The following XPO5 variants were observed in gnomAD, a reference collection of about 807,000 sequenced individuals.
XPO5 encodes the protein exportin-5.
Under a neutral mutation model 160.6 loss-of-function variants are expected in XPO5, and 46 were observed. That is an observed-to-expected ratio of 0.29 (90% CI 0.23 to 0.37). XPO5 has a LOEUF of 0.37. Ranked by LOEUF, XPO5 falls within the 10% of genes least tolerant of loss-of-function variation. XPO5 has a pLI of 1.00. For synonymous variants in XPO5, 537 were observed against 519.3 expected (o/e 1.03, Z -0.46); for missense variants, 1,090 against 1,463.9 (o/e 0.74, Z 4.17).
rs889905272 is a variant in XPO5 at position 43,576,011 on chromosome 6, G to C, written c.-147C>G. 2 of 668,946 alleles carry C rather than the reference G, an allele frequency of 3.0e-6. No homozygotes were observed. The highest frequency in any genetic ancestry group is 1.9e-5 in the South Asian group (1 of 51,704). 41.4% of individuals were successfully genotyped at this position (668,946 alleles called of 1,614,324 possible). On this transcript the variant is annotated 5_prime_UTR_variant, in exon 1 of 32. Coordinates refer to ENST00000265351, the MANE Select transcript of XPO5 (RefSeq NM_020750.3). ...GGAGGAGGAGCGTTAGCAGCAACTC[G>C]CGCTGGGAAGAAGCCGGCGCTGCGC...
intron 20 of XPO5, chr6:43,539,546 C>T (rs1355404227): frequency 2.1e-6 from 3 of 1,426,502 alleles, no homozygotes; most frequent in East Asian, 4.6e-5. Flanking sequence ...TTTGGCCTTG[C>T]CTCCGCGAGC....
At chr6:43,560,901 G>A in intron 10 of XPO5, 23 bp downstream of exon 10, 1 of 1,594,764 alleles carries the variant, frequency 6.3e-7, no homozygotes, top group African/African-American at 1.3e-5. Flanking sequence ...AAACTTTTGA[G>A]AAGTTACCTG....
At chr6:43,550,002 C>T in intron 15 of XPO5, 68 bp from the exon 16 acceptor site, 1 of 1,530,104 alleles carries the variant, frequency 6.5e-7, no homozygotes, top group Non-Finnish European at 9.0e-7. Context: ...TGCTATGTTG[C>T]CCAGACTAGA....
At chr6:43,531,073 A>G (rs1383339429) in intron 22 of XPO5, among the ~76,000 whole-genome samples, 1 of 152,244 alleles carries the variant, frequency 6.6e-6, no homozygotes, top group African/African-American at 2.4e-5. Context: ...TTGGCTGATT[A>G]GTGTAGTGGT....
chr6:43,562,539 T>C (rs528559586), intron 8 of XPO5, 193 bp from the exon 9 acceptor site: 11 of 543,294 alleles, frequency 2.0e-5, no homozygotes, highest in South Asian at 1.7e-4. Context: ...TAAAATGATA[T>C]AGGACTATTC....
chr6:43,560,915 A>G lies in XPO5; in HGVS notation c.1095+9T>C. 6.2e-7 allele frequency: 1 copy of G among 1,611,990 alleles called. No homozygotes were observed. The highest frequency in any genetic ancestry group is 1.3e-5 in the African/African-American group (1 of 75,022). On this transcript the variant is annotated intron_variant, in intron 10 of 31. Coordinates refer to ENST00000265351, the MANE Select transcript of XPO5 (RefSeq NM_020750.3). Reference sequence around the variant, plus strand: ...TAAACTTTTGAGAAGTTACCTGTATAAAGTTTACCTGACTTGGATGGGTTG... The same window carrying G: ...TAAACTTTTGAGAAGTTACCTGTATGAAGTTTACCTGACTTGGATGGGTTG...
chr6:43,534,764 G>T (rs1035681705), intron 20 of XPO5, among the ~76,000 whole-genome samples: 1 of 152,168 alleles, frequency 6.6e-6, no homozygotes, highest in African/African-American at 2.4e-5. Context: ...TTGGGAGGCC[G>T]AGGCTGGCGA....
chr6:43,530,950 C>T (rs1270766148), intron 22 of XPO5, 126 bp from the exon 23 acceptor site: 2 of 1,202,572 alleles, frequency 1.7e-6, no homozygotes, highest in South Asian at 3.3e-5. Context: ...GTTGTATTTA[C>T]TTAAGAGAAC....
chr6:43,526,734 A>G lies in XPO5; in HGVS notation c.2934T>C (p.Val978=), dbSNP rs767714747. 4 of 1,613,740 alleles carry G rather than the reference A, an allele frequency of 2.5e-6. No homozygotes were observed. In the East Asian group the frequency reaches 8.9e-5, roughly 36 times the overall value. Residue 978 remains valine, a synonymous_variant, in exon 27 of 32, where the codon GTT becomes GTC. Coordinates refer to ENST00000265351, the MANE Select transcript of XPO5 (RefSeq NM_020750.3). ...TACTGTGGTCAGCACCCTTCTTTGA[A>G]ACACAGCAAACCGCTAAAGCAAGAA... The part of the protein sequence containing the change: ...EVMDLITVCC[V]SKKGADHSSA...
intron 20 of XPO5, among the ~76,000 whole-genome samples, chr6:43,537,900 C>G (rs962505388): frequency 2.6e-5 from 4 of 151,674 alleles, no homozygotes; most frequent in Admixed American, 6.6e-5. Context: ...AACCCTGTAT[C>G]TACTAAAAAT....
chr6:43,527,106 T>C (rs1010302592), intron 26 of XPO5: 1 of 243,824 alleles, frequency 4.1e-6, no homozygotes, highest in Non-Finnish European at 8.2e-6. Flanking sequence ...TTAAAACATT[T>C]CCCTATTTTG....
In XPO5 at chr6:43,546,653, T is replaced by G; in HGVS notation, c.2260A>C (p.Thr754Pro). The change falls in exon 20 of 32, where the codon ACA becomes CCA. Residue 754 changes from threonine to proline, a missense_variant. Transcript: ENST00000265351. ...AKAGGFVVGY[T>P]SSGNPIFRNP... ...CGGAAGATTGGATTTCCACTGGATG[T>G]ATAACCCACCACAAATCCCCCAGCT... is the stretch of plus-strand genomic sequence containing the variant. 1.9e-6 allele frequency: 3 copies of G among 1,613,928 alleles called. No individual in the cohort carries two copies. Among genetic ancestry groups the G allele is most frequent in the Non-Finnish European group, 2.5e-6 (3 of 1,179,858 alleles).
chr6:43,547,576 A>C, intron 19 of XPO5, 32 bp downstream of exon 19: 1 of 1,604,378 alleles, frequency 6.2e-7, no homozygotes. Flanking sequence ...ACCCATGGCC[A>C]ATGCCACTTC....
Position 43,546,556 on chromosome 6 carries a change from ATT to A in XPO5, c.2342+13_2342+14del, listed in dbSNP as rs1561874805. On this transcript the variant is annotated intron_variant, in intron 20 of 31. Coordinates refer to ENST00000265351, the MANE Select transcript of XPO5 (RefSeq NM_020750.3). ...AAGTAGAAAACAACAGAGAAAAGCC[ATT>A]ATTCTGACTCACCTTATAAGCGCAA... The A allele has an allele frequency of 6.3e-7, 1 of 1,594,532 alleles. No individual in the cohort carries two copies. The highest frequency in any genetic ancestry group is 1.4e-5 in the African/African-American group (1 of 73,950).
intron 23 of XPO5, among the ~76,000 whole-genome samples, chr6:43,529,751 C>T (rs1238427282): frequency 6.6e-6 from 1 of 150,930 alleles, no homozygotes; most frequent in African/African-American, 2.4e-5. Flanking sequence ...ACAGACCCAT[C>T]TCTACAAATA....
At chr6:43,547,431 G>A (rs142268372) in intron 19 of XPO5, 177 bp downstream of exon 19, 33 of 696,614 alleles carry the variant, frequency 4.7e-5, no homozygotes, top group Middle Eastern at 2.3e-4. Context: ...CTCTGCTGTG[G>A]GAACTAACTC....
At chr6:43,541,547 A>C (rs1312118438) in intron 20 of XPO5, among the ~76,000 whole-genome samples, 1 of 152,176 alleles carries the variant, frequency 6.6e-6, no homozygotes, top group African/African-American at 2.4e-5. Flanking sequence ...GGCCCCCAAA[A>C]TAACTGCCAG....
intron 31 of XPO5, 100 bp downstream of exon 31, chr6:43,524,371 A>G: frequency 7.2e-7 from 1 of 1,385,340 alleles, no homozygotes; most frequent in Non-Finnish European, 9.6e-7. Flanking sequence ...AAAAAAAAAA[A>G]TCTCACCATA....
chr6:43,563,919 A>C (rs1476248999), intron 8 of XPO5, among the ~76,000 whole-genome samples: 3 of 152,084 alleles, frequency 2.0e-5, no homozygotes, highest in Admixed American at 6.6e-5. Flanking sequence ...CTTAGGCTAA[A>C]CTAAACTTAT....
Sources: gnomAD v4.1 joint callset for allele counts (sites outside exome capture counted in the v4.1 genomes callset) on GRCh38, gnomAD v4.1.1 for gene constraint, MANE v1.5 for transcripts, NCBI Gene and HGNC (gene_info 2026-07-23, HGNC 2026-07-21) for gene names.